Variants in ETV6 observed in about 807,000 individuals in gnomAD.
ETV6 encodes transcription factor ETV6.
Under a neutral mutation model 51.1 loss-of-function variants are expected in ETV6, and 16 were observed. The ratio of observed to expected loss-of-function variants is 0.31; its 90% confidence interval spans 0.21 to 0.48. The LOEUF is 0.48. Ranked by LOEUF, ETV6 falls within the 20% of genes least tolerant of loss-of-function variation. The pLI, the probability that ETV6 is intolerant of heterozygous loss-of-function variation, is 0.99. For missense variants in ETV6, 458 were observed against 594.8 expected (o/e 0.77, Z 2.39); for synonymous variants, 240 against 224.1 (o/e 1.07, Z -0.64).
intron 4 of ETV6, among the ~76,000 whole-genome samples, chr12:11,868,712 G>C (rs1421957941): frequency 2.0e-5 from 3 of 152,022 alleles, no homozygotes; most frequent in Admixed American, 1.3e-4. Context: ...AACTCCTAGA[G>C]TTAGAGAATA....
At chr12:11,665,334 G>A (rs1040227378) in intron 1 of ETV6, among the ~76,000 whole-genome samples, 8 of 152,120 alleles carry the variant, frequency 5.3e-5, no homozygotes, top group African/African-American at 1.2e-4. Flanking sequence ...ATCTTCCCTC[G>A]ATCTTCTTTC....
intron 1 of ETV6, among the ~76,000 whole-genome samples, chr12:11,741,171 G>A (rs971098631): frequency 2.6e-5 from 4 of 152,100 alleles, no homozygotes; most frequent in African/African-American, 7.2e-5. Context: ...AATAAAGACC[G>A]AACCATGGTA....
chr12:11,801,947 G>T (rs1197848479), intron 2 of ETV6, among the ~76,000 whole-genome samples: 1 of 152,120 alleles, frequency 6.6e-6, no homozygotes, highest in African/African-American at 2.4e-5. Flanking sequence ...CTACCTTCAA[G>T]CCCTGTTGAT....
intron 2 of ETV6, among the ~76,000 whole-genome samples, chr12:11,810,653 C>G (rs918302666): frequency 1.3e-5 from 2 of 152,238 alleles, no homozygotes; most frequent in Non-Finnish European, 2.9e-5. Flanking sequence ...GTGAAGTCCA[C>G]AGGTCAGATT....
At chr12:11,764,157 A>G (rs1945130105) in intron 2 of ETV6, among the ~76,000 whole-genome samples, 1 of 152,226 alleles carries the variant, frequency 6.6e-6, no homozygotes, top group Non-Finnish European at 1.5e-5. Context: ...AGTCCCTAAT[A>G]TCTTAATGAA....
intron 2 of ETV6, among the ~76,000 whole-genome samples, chr12:11,765,947 A>T (rs1053413382): frequency 6.6e-6 from 1 of 152,114 alleles, no homozygotes; most frequent in African/African-American, 2.4e-5. Flanking sequence ...CGTCTGTGTG[A>T]TGCAGGTATG....
At position 11,893,841 on chromosome 12, in the gene ETV6, TAC is replaced by T. The variant is rs61009195; in HGVS notation, c.*2809_*2810del. Reference sequence around the variant, plus strand: ...ATATATATATATATATATATATATATACACACACACACACATACACAAATATT... The same window carrying T: ...ATATATATATATATATATATATATATACACACACACACATACACAAATATT... On this transcript the variant is annotated 3_prime_UTR_variant, in exon 8 of 8. Coordinates refer to ENST00000396373, the MANE Select transcript of ETV6 (RefSeq NM_001987.5). 154 of 57,344 alleles carry T rather than the reference TAC, an allele frequency of 2.7e-3. 3 individuals carry two copies. The highest frequency in any genetic ancestry group is 7.4e-3 in the Middle Eastern group (1 of 136). The allele number at this position is 57,344 out of a possible 1,614,324, so 3.6% of individuals were successfully genotyped here.
chr12:11,659,321 A>T (rs976803810), intron 1 of ETV6, among the ~76,000 whole-genome samples: 1 of 152,226 alleles, frequency 6.6e-6, no homozygotes, highest in South Asian at 2.1e-4. Context: ...AAGATGAACT[A>T]TAGACTGGAA....
intron 2 of ETV6, among the ~76,000 whole-genome samples, chr12:11,769,853 C>G (rs150346471): frequency 6.6e-6 from 1 of 152,158 alleles, no homozygotes; most frequent in African/African-American, 2.4e-5. Flanking sequence ...TAAGAGCTGT[C>G]TTCAGAACAG....
chr12:11,673,528 A>G (rs1275462098), intron 1 of ETV6, among the ~76,000 whole-genome samples: 5 of 152,166 alleles, frequency 3.3e-5, no homozygotes, highest in African/African-American at 1.2e-4. Context: ...CTAGACCTGG[A>G]GTTTTTAGTA....
At position 11,893,821 on chromosome 12, in the gene ETV6, TATATATATATATATATATATAC is replaced by T. The variant is rs1565573402; in HGVS notation, c.*2777_*2798del. ...ATATATATATATATATATATATATA[TATATATATATATATATATATAC>T]ACACACACACACATACACAAATATT... On this transcript the variant is annotated 3_prime_UTR_variant, in exon 8 of 8. Coordinates refer to ENST00000396373, the MANE Select transcript of ETV6 (RefSeq NM_001987.5). The T allele has an allele frequency of 7.5e-4, 95 of 126,638 alleles. 1 individual carries two copies. The highest frequency in any genetic ancestry group is 3.5e-3 in the East Asian group (25 of 7,154). The allele number at this position is 126,638 out of a possible 1,614,324, so 7.8% of individuals were successfully genotyped here.
intron 1 of ETV6, among the ~76,000 whole-genome samples, chr12:11,683,646 C>T (rs1028855389): frequency 6.6e-6 from 1 of 152,172 alleles, no homozygotes; most frequent in Admixed American, 6.5e-5. Flanking sequence ...GCATGAACTT[C>T]TCAAGACTGC....
At position 11,894,934 on chromosome 12, in the gene ETV6, G is replaced by C. The variant is rs1947370181; in HGVS notation, c.*3888G>C. On this transcript the variant is annotated 3_prime_UTR_variant, in exon 8 of 8. Coordinates refer to ENST00000396373, the MANE Select transcript of ETV6 (RefSeq NM_001987.5). ...TTCTTTGCCCAAGCATTTGGTGCTA[G>C]TTAGAGGCTGTTCACTCTCTCCTGC... 4.3e-6 allele frequency: 1 copy of C among 233,520 alleles called. No individual in the cohort carries two copies. Among genetic ancestry groups the C allele is most frequent in the Admixed American group, 5.6e-5 (1 of 17,780 alleles). The allele number at this position is 233,520 out of a possible 1,614,324, so 14.5% of individuals were successfully genotyped here. A position where few individuals can be genotyped will look rare whatever the true frequency, so the allele number is the denominator to read the frequency against.
chr12:11,698,222 C>T (rs915750818), intron 1 of ETV6, among the ~76,000 whole-genome samples: 1 of 152,172 alleles, frequency 6.6e-6, no homozygotes, highest in Non-Finnish European at 1.5e-5. Context: ...GTATTTTGTA[C>T]CATGTGGGTC....
In ETV6 at chr12:11,884,764, A is replaced by G. The variant is rs148911249; in HGVS notation, c.1152+177A>G. Among the ~76,000 whole-genome samples the G allele has an allele frequency of 1.4e-3, 214 of 152,334 alleles. 1 individual carries two copies. The highest frequency in any genetic ancestry group is 4.2e-3 in the African/African-American group (174 of 41,572). On this transcript the variant is annotated intron_variant, in intron 6 of 7. Transcript: ENST00000396373. ...AAGGGAAGGAAATAATTAAAGATGC[A>G]TCTTGCCATTTGTTCCTGAGACCAG...
chr12:11,842,350 G>C (rs1212752760), intron 3 of ETV6, among the ~76,000 whole-genome samples: 4 of 151,656 alleles, frequency 2.6e-5, no homozygotes, highest in African/African-American at 7.3e-5. Context: ...TAGGCTAGGT[G>C]CTGTTTCTCC....
At chr12:11,825,237 A>G (rs1028958004) in intron 2 of ETV6, among the ~76,000 whole-genome samples, 9 of 152,258 alleles carry the variant, frequency 5.9e-5, no homozygotes, top group Non-Finnish European at 1.5e-5. Context: ...AAGAAAAATC[A>G]TTTCAGAAAT....
chr12:11,761,998 T>C (rs1317318005), intron 2 of ETV6, among the ~76,000 whole-genome samples: 1 of 152,222 alleles, frequency 6.6e-6, no homozygotes, highest in Non-Finnish European at 1.5e-5. Flanking sequence ...AAATTGTCCT[T>C]CGTTTTACCT....
intron 2 of ETV6, among the ~76,000 whole-genome samples, chr12:11,807,942 T>G (rs935496574): frequency 2.0e-5 from 3 of 152,178 alleles, no homozygotes; most frequent in African/African-American, 7.2e-5. Flanking sequence ...TCTTCTAAAG[T>G]AGTAGGAGCA....
Sources: allele counts gnomAD v4.1 joint callset (sites outside exome capture counted in the v4.1 genomes callset), GRCh38; gene constraint gnomAD v4.1.1; transcripts MANE v1.5; gene names NCBI Gene and HGNC (gene_info 2026-07-23, HGNC 2026-07-21).